NEK10: variants seen among roughly 807,000 people sequenced by gnomAD.
The protein encoded by NEK10 is NIMA related kinase 10.
NEK10 carries 122 observed loss-of-function variants against 159.8 expected under a neutral mutation model. The ratio of observed to expected loss-of-function variants is 0.76; its 90% CI spans 0.66 to 0.89. The LOEUF (loss-of-function observed/expected upper bound fraction) is 0.89, where lower values mean the gene tolerates loss of function less well. Among genes scored for constraint, NEK10 ranks in the 40% least tolerant of loss-of-function variants. The probability of loss-of-function intolerance (pLI) is 0.00; values close to 1 mark genes in which losing one functional copy is unlikely to be tolerated. For synonymous variants in NEK10, 466 were observed against 457.1 expected, an observed-to-expected ratio of 1.02 and a Z score of -0.25; for missense variants, 1,342 against 1,323.1, an observed-to-expected ratio of 1.01 and a Z score of -0.22.
At chr3:27,291,210 G>C in intron 18 of NEK10, 52 bp downstream of exon 18, 2 of 1,552,264 alleles carry the variant, frequency 1.3e-6, no homozygotes, top group East Asian at 2.2e-5. Flanking sequence ...GTGCAAGTGT[G>C]ACATCCGGTT....
intron 23 of NEK10, among the ~76,000 whole-genome samples, chr3:27,226,701 A>G (rs537097508): frequency 5.3e-5 from 8 of 152,228 alleles, no homozygotes; most frequent in Non-Finnish European, 7.3e-5. Context: ...TCCCTGGCCA[A>G]TGCACATATC....
In NEK10 at chr3:27,108,661, T is replaced by C. The variant is rs1160213728; in HGVS notation, c.*2611A>G. The stretch of plus-strand genomic sequence containing the variant: ...TTATACAAGAGAAAGGGAAAAAATA[T>C]ATAAATGCAATCAAGAAAAGATTAA... On this transcript the variant is annotated 3_prime_UTR_variant, in exon 36 of 36. Coordinates refer to ENST00000691995, the MANE Select transcript of NEK10 (RefSeq NM_001394966.1). 1.3e-5 allele frequency among the ~76,000 whole-genome samples: 2 copies of C among 152,310 alleles called. No homozygotes were observed. The highest frequency in any genetic ancestry group is 1.9e-4 in the East Asian group (1 of 5,188).
intron 22 of NEK10, among the ~76,000 whole-genome samples, chr3:27,280,995 C>A: frequency 6.8e-6 from 1 of 146,088 alleles, no homozygotes; most frequent in Non-Finnish European, 1.5e-5. Context: ...ATTCAGGATG[C>A]TAAAGAAAAA....
chr3:27,271,615 T>A (rs1559401933), intron 22 of NEK10, among the ~76,000 whole-genome samples: 1 of 152,146 alleles, frequency 6.6e-6, no homozygotes. Flanking sequence ...TGGACAGATA[T>A]CCATAAAAAC....
intron 9 of NEK10, chr3:27,309,869 A>G (rs749467278): frequency 6.6e-5 from 10 of 152,184 alleles, no homozygotes; most frequent in Non-Finnish European, 1.3e-4. Context: ...TGCATCACTG[A>G]TGCTCCCAAG....
intron 22 of NEK10, among the ~76,000 whole-genome samples, chr3:27,268,054 C>G (rs183453421): frequency 6.6e-6 from 1 of 152,180 alleles, no homozygotes; most frequent in African/African-American, 2.4e-5. Context: ...CCAACACATT[C>G]CCTTAAGCCA....
chr3:27,239,753 C>A (rs1333511781), intron 23 of NEK10, among the ~76,000 whole-genome samples: 1 of 152,114 alleles, frequency 6.6e-6, no homozygotes, highest in African/African-American at 2.4e-5. Context: ...AATAACCTTT[C>A]AGTACATGAA....
intron 30 of NEK10, among the ~76,000 whole-genome samples, chr3:27,156,635 C>A (rs1398728941): frequency 1.3e-5 from 2 of 151,678 alleles, no homozygotes; most frequent in African/African-American, 4.8e-5. Context: ...TGACCATAAT[C>A]AAAAAATCAG....
At chr3:27,364,840 T>G (rs2048944060) in intron 1 of NEK10, among the ~76,000 whole-genome samples, 1 of 152,214 alleles carries the variant, frequency 6.6e-6, no homozygotes, top group African/African-American at 2.4e-5. Context: ...AGCAAACATT[T>G]ACATGGTAGT....
intron 23 of NEK10, among the ~76,000 whole-genome samples, chr3:27,225,539 T>C (rs1952549370): frequency 6.6e-6 from 1 of 152,204 alleles, no homozygotes; most frequent in African/African-American, 2.4e-5. Flanking sequence ...TTAAAGTTCA[T>C]TTACACAGGA....
At chr3:27,345,981 A>C in intron 4 of NEK10, 105 bp downstream of exon 4, 1 of 912,032 alleles carries the variant, frequency 1.1e-6, no homozygotes, top group Non-Finnish European at 1.6e-6. Flanking sequence ...GCTATGGTAA[A>C]TTTTGAAGCG....
At chr3:27,303,501 T>C (rs2043994386) in intron 12 of NEK10, among the ~76,000 whole-genome samples, 1 of 152,182 alleles carries the variant, frequency 6.6e-6, no homozygotes, top group Non-Finnish European at 1.5e-5. Context: ...CTTTGGCAAT[T>C]GTAATTATTT....
intron 26 of NEK10, among the ~76,000 whole-genome samples, chr3:27,181,923 G>A (rs530029426): frequency 5.9e-5 from 9 of 151,964 alleles, no homozygotes; most frequent in Non-Finnish European, 1.3e-4. Flanking sequence ...AAAAATTGTA[G>A]GTATGATTTT....
Position 27,128,884 on chromosome 3 carries a change from T to A in NEK10, c.3081+2996A>T, listed in dbSNP as rs140185743. 4.1e-3 allele frequency among the ~76,000 whole-genome samples: 629 copies of A among 152,190 alleles called. 4 individuals carry two copies. Among genetic ancestry groups the A allele is most frequent in the African/African-American group, 0.014 (598 of 41,532 alleles). On this transcript the variant is annotated intron_variant, in intron 32 of 35. Transcript: ENST00000691995. ...CTGCTCTAGACCAAAATCACCTATA[T>A]CCCCAAGGAGTCATGGGTGGAGGAG... is the stretch of plus-strand genomic sequence containing the variant.
chr3:27,180,345 A>G (rs754981612), intron 26 of NEK10, among the ~76,000 whole-genome samples: 61 of 150,334 alleles, frequency 4.1e-4, no homozygotes, highest in Middle Eastern at 6.8e-3. Flanking sequence ...CAGTGAGCCA[A>G]GATCACACCA....
rs866018899 is a variant in NEK10 at position 27,295,715 on chromosome 3, A to C, written c.1231-25T>G. ...CCTGAAAGAATAAAGGGGTCATACT[A>C]TGAGTGACAACACTGTAGTGATACA... On this transcript the variant is annotated intron_variant, in intron 14 of 35. Transcript: ENST00000691995. 16 of 1,550,562 alleles carry C rather than the reference A, an allele frequency of 1.0e-5. No individual in the cohort carries two copies. The Middle Eastern group carries it at 5.1e-4, about 50-fold the overall frequency.
At chr3:27,183,841 G>GCTCAAC (rs1386701030) in intron 26 of NEK10, among the ~76,000 whole-genome samples, 1 of 152,056 alleles carries the variant, frequency 6.6e-6, no homozygotes, top group African/African-American at 2.4e-5. Context: ...ACATAAATGT[G>GCTCAAC]CTCAACCTCA....
At chr3:27,176,938 T>A (rs1947560224) in intron 26 of NEK10, among the ~76,000 whole-genome samples, 1 of 152,216 alleles carries the variant, frequency 6.6e-6, no homozygotes, top group Admixed American at 6.5e-5. Context: ...GCTTTGTGTC[T>A]CTTAAGAACA....
chr3:27,167,264 A>G (rs1005239206), intron 29 of NEK10, among the ~76,000 whole-genome samples: 1 of 152,226 alleles, frequency 6.6e-6, no homozygotes, highest in Non-Finnish European at 1.5e-5. Flanking sequence ...TTACACTGAG[A>G]TAACAGTCAC....
Sources: gnomAD v4.1 joint callset for allele counts (sites outside exome capture counted in the v4.1 genomes callset) on GRCh38, gnomAD v4.1.1 for gene constraint, MANE v1.5 for transcripts, NCBI Gene and HGNC (gene_info 2026-07-23, HGNC 2026-07-21) for gene names.